The following ROBO2 variants were observed in gnomAD, a reference collection of about 807,000 sequenced individuals.
ROBO2 encodes roundabout guidance receptor 2, also known as roundabout homolog 2.
In ROBO2, 53 loss-of-function variants were observed where a neutral mutation model predicts 160.8. The ratio of observed to expected loss-of-function variants is 0.33; its 90% CI spans 0.26 to 0.41. ROBO2 has a LOEUF of 0.41. Ranked by LOEUF, ROBO2 falls within the 10% of genes least tolerant of loss-of-function variation. ROBO2 has a pLI of 1.00. For missense variants in ROBO2, 1,577 were observed against 1,722.4 expected (o/e 0.92, Z 1.49); for synonymous variants, 664 against 611.7 (o/e 1.09, Z -1.26).
intron 2 of ROBO2, among the ~76,000 whole-genome samples, chr3:76,370,641 G>C (rs752583837): frequency 7.6e-4 from 115 of 151,802 alleles, no homozygotes; most frequent in Non-Finnish European, 1.2e-3. Flanking sequence ...TTCTTGTCCT[G>C]CCAGGAGCTC....
chr3:76,861,784 G>A (rs3911526), intron 2 of ROBO2, among the ~76,000 whole-genome samples: 23,664 of 152,008 alleles, frequency 0.16, 2,186 homozygotes, highest in East Asian at 0.36. Flanking sequence ...TATTAAGATT[G>A]GTGACTTCCC....
chr3:77,098,087 C>A (rs764373066), exon 2 of ROBO2: 3 of 1,608,062 alleles, frequency 1.9e-6, no homozygotes, highest in Non-Finnish European at 2.6e-6. Context: ...TCTCTAAGGG[C>A]GAGCCCACGA....
At chr3:76,944,895 C>CTT (rs764903706) in intron 2 of ROBO2, among the ~76,000 whole-genome samples, 1 of 144,568 alleles carries the variant, frequency 6.9e-6, no homozygotes. Context: ...GCTGTGATGG[C>CTT]TTTTTTTTTT....
At chr3:75,950,250 C>A (rs541956233) in intron 2 of ROBO2, among the ~76,000 whole-genome samples, 1 of 152,134 alleles carries the variant, frequency 6.6e-6, no homozygotes, top group South Asian at 2.1e-4. Flanking sequence ...GGTCAGATTT[C>A]TTTTATAGCT....
intron 2 of ROBO2, among the ~76,000 whole-genome samples, chr3:75,959,895 A>C (rs1233948174): frequency 1.3e-5 from 2 of 151,842 alleles, no homozygotes; most frequent in East Asian, 3.9e-4. Flanking sequence ...TGTGTATAGC[A>C]GTTAAATATA....
At chr3:77,017,668 AAGT>A (rs1280486485) in intron 2 of ROBO2, among the ~76,000 whole-genome samples, 6 of 152,152 alleles carry the variant, frequency 3.9e-5, no homozygotes, top group Non-Finnish European at 5.9e-5. Context: ...AAACTCATGA[AAGT>A]TTTCATAGTA....
chr3:76,108,199 G>A (rs894516291), intron 2 of ROBO2, among the ~76,000 whole-genome samples: 9 of 152,166 alleles, frequency 5.9e-5, no homozygotes, highest in African/African-American at 2.2e-4. Flanking sequence ...TCCTGCGTAT[G>A]AGTTTAGGAT....
At chr3:77,406,248 C>T (rs916789911) in intron 2 of ROBO2, among the ~76,000 whole-genome samples, 2 of 152,256 alleles carry the variant, frequency 1.3e-5, no homozygotes, top group South Asian at 2.1e-4. Flanking sequence ...ATGGGGGAAA[C>T]CACCCCCATA....
chr3:76,714,772 C>T (rs1274224481), intron 2 of ROBO2, among the ~76,000 whole-genome samples: 1 of 152,086 alleles, frequency 6.6e-6, no homozygotes, highest in East Asian at 1.9e-4. Context: ...ACTCTGGGAA[C>T]TTTTAAATAA....
intron 2 of ROBO2, among the ~76,000 whole-genome samples, chr3:76,400,847 A>C (rs948450961): frequency 4.0e-5 from 6 of 151,508 alleles, no homozygotes; most frequent in African/African-American, 9.7e-5. Context: ...TACAACCTCC[A>C]AATATGAGTT....
At chr3:76,594,777 C>G (rs2086637218) in intron 2 of ROBO2, among the ~76,000 whole-genome samples, 1 of 151,962 alleles carries the variant, frequency 6.6e-6, no homozygotes. Flanking sequence ...GAGGTCAATA[C>G]TGCGAACTTG....
chr3:77,336,283 G>A (rs901351912), intron 2 of ROBO2, among the ~76,000 whole-genome samples: 1 of 152,184 alleles, frequency 6.6e-6, no homozygotes, highest in African/African-American at 2.4e-5. Flanking sequence ...TAGTCAGACA[G>A]AAGGCAGAGT....
At chr3:77,493,124 A>G in intron 4 of ROBO2, 120 bp from the exon 5 acceptor site, 2 of 951,978 alleles carry the variant, frequency 2.1e-6, no homozygotes, top group Non-Finnish European at 3.3e-6. Context: ...CAGCTGAGGT[A>G]CAGAGTTAGG....
chr3:76,386,353 CCCTCCCTTCCTT>C (rs1223451384), intron 2 of ROBO2, among the ~76,000 whole-genome samples: 130 of 121,108 alleles, frequency 1.1e-3, no homozygotes, highest in African/African-American at 3.8e-3. Flanking sequence ...CTCCCTCCCT[CCCTCCCTTCCTT>C]CCTCCCCTCC....
At chr3:77,557,159 A>G (rs2093151835) in intron 8 of ROBO2, among the ~76,000 whole-genome samples, 1 of 152,008 alleles carries the variant, frequency 6.6e-6, no homozygotes, top group Admixed American at 6.6e-5. Flanking sequence ...AGTATTTCAT[A>G]AATAAAAAGC....
chr3:76,092,660 T>C (rs2108104731), intron 2 of ROBO2, among the ~76,000 whole-genome samples: 1 of 152,298 alleles, frequency 6.6e-6, no homozygotes, highest in South Asian at 2.1e-4. Context: ...GATCATTCTC[T>C]TTGCTCTTAG....
intron 21 of ROBO2, 141 bp from the exon 23 acceptor site, chr3:77,617,372 G>C: frequency 1.1e-6 from 1 of 878,964 alleles, no homozygotes; most frequent in South Asian, 1.4e-5. Flanking sequence ...TTACTGTGGT[G>C]ACACCAACAG....
intron 2 of ROBO2, among the ~76,000 whole-genome samples, chr3:76,304,886 C>T (rs1486393600): frequency 6.6e-6 from 1 of 150,812 alleles, no homozygotes; most frequent in Non-Finnish European, 1.5e-5. Flanking sequence ...ATATATGCAC[C>T]ACTGGGCCCT....
At chr3:76,564,646 G>A (rs2084401781) in intron 2 of ROBO2, among the ~76,000 whole-genome samples, 1 of 152,166 alleles carries the variant, frequency 6.6e-6, no homozygotes, top group African/African-American at 2.4e-5. Flanking sequence ...ACATTTTCAA[G>A]TGTAACAGAA....
Sources: allele counts gnomAD v4.1 joint callset (sites outside exome capture counted in the v4.1 genomes callset), GRCh38; gene constraint gnomAD v4.1.1; transcripts MANE v1.5; gene names NCBI Gene and HGNC (gene_info 2026-07-23, HGNC 2026-07-21).